CREB5: variants seen among roughly 807,000 people sequenced by gnomAD.
CREB5 encodes the protein cyclic AMP-responsive element-binding protein 5.
In CREB5, 19 loss-of-function variants were observed where a neutral mutation model predicts 57.1. That is an observed-to-expected ratio of 0.33 (90% CI 0.23 to 0.49). The LOEUF (loss-of-function observed/expected upper bound fraction) is 0.49, where lower values mean the gene tolerates loss of function less well. Among genes scored for constraint, CREB5 ranks in the 20% least tolerant of loss-of-function variants. The pLI is 0.99. For synonymous variants in CREB5, 238 were observed against 238.3 expected, an observed-to-expected ratio of 1.00 and a Z score of 0.01; for missense variants, 579 against 671.6, an observed-to-expected ratio of 0.86 and a Z score of 1.52.
intron 5 of CREB5, among the ~76,000 whole-genome samples, chr7:28,597,592 T>C (rs150271990): frequency 2.3e-4 from 35 of 152,282 alleles, no homozygotes; most frequent in Non-Finnish European, 4.7e-4. Context: ...AAGGTCAGTA[T>C]GGATGTTTCT....
chr7:28,740,341 T>C (rs1036756322), intron 7 of CREB5, among the ~76,000 whole-genome samples: 2 of 152,190 alleles, frequency 1.3e-5, no homozygotes, highest in Non-Finnish European at 2.9e-5. Flanking sequence ...GCAGAATCTG[T>C]TCCATGACCA....
At chr7:28,398,213 A>G (rs941585621) in intron 1 of CREB5, among the ~76,000 whole-genome samples, 2 of 152,016 alleles carry the variant, frequency 1.3e-5, no homozygotes, top group Non-Finnish European at 1.5e-5. Flanking sequence ...TTTCTCCTTC[A>G]TTGTGTATTT....
intron 1 of CREB5, among the ~76,000 whole-genome samples, chr7:28,329,089 T>A (rs1335932586): frequency 6.6e-6 from 1 of 152,188 alleles, no homozygotes; most frequent in African/African-American, 2.4e-5. Flanking sequence ...CAGAGGAATA[T>A]CTCACTGGTT....
At chr7:28,739,030 A>T (rs1438572657) in intron 7 of CREB5, among the ~76,000 whole-genome samples, 1 of 152,236 alleles carries the variant, frequency 6.6e-6, no homozygotes, top group Non-Finnish European at 1.5e-5. Flanking sequence ...ATAAATAGAA[A>T]ACTAAGTATG....
intron 1 of CREB5, among the ~76,000 whole-genome samples, chr7:28,315,548 C>T (rs1337912003): frequency 2.0e-5 from 3 of 152,198 alleles, no homozygotes; most frequent in Admixed American, 6.5e-5. Context: ...CTCTGTTCTC[C>T]AACAACAGAT....
At chr7:28,649,109 A>G (rs1799025699) in intron 5 of CREB5, among the ~76,000 whole-genome samples, 4 of 152,228 alleles carry the variant, frequency 2.6e-5, no homozygotes, top group Admixed American at 2.6e-4. Context: ...AACTTCACAT[A>G]TGTGGTCAAA....
intron 1 of CREB5, among the ~76,000 whole-genome samples, chr7:28,315,679 C>A (rs552756710): frequency 6.6e-6 from 1 of 152,210 alleles, no homozygotes; most frequent in Non-Finnish European, 1.5e-5. Flanking sequence ...CGTTGGAAAA[C>A]GTCCTGCTGC....
intron 4 of CREB5, among the ~76,000 whole-genome samples, chr7:28,514,180 A>G (rs532897227): frequency 2.0e-5 from 3 of 152,222 alleles, no homozygotes; most frequent in South Asian, 4.1e-4. Context: ...GAAAAAAAGT[A>G]TTTTATCTTT....
At chr7:28,815,695 C>T (rs914598297) in intron 9 of CREB5, among the ~76,000 whole-genome samples, 3 of 152,212 alleles carry the variant, frequency 2.0e-5, no homozygotes, top group South Asian at 2.1e-4. Flanking sequence ...CCTGGGAGAT[C>T]GAATGCTGCC....
intron 7 of CREB5, among the ~76,000 whole-genome samples, chr7:28,760,200 G>A (rs567283201): frequency 2.0e-5 from 3 of 152,226 alleles, no homozygotes; most frequent in South Asian, 4.1e-4. Flanking sequence ...GTATTTCCAG[G>A]TCTTTATTAG....
At chr7:28,590,502 G>A (rs1796462150) in intron 5 of CREB5, among the ~76,000 whole-genome samples, 1 of 127,932 alleles carries the variant, frequency 7.8e-6, no homozygotes, top group African/African-American at 2.9e-5. Context: ...CACAGGAAGG[G>A]GAACATCACA....
At chr7:28,584,137 C>T (rs1000494427) in intron 5 of CREB5, among the ~76,000 whole-genome samples, 13 of 152,182 alleles carry the variant, frequency 8.5e-5, no homozygotes, top group Non-Finnish European at 1.5e-4. Context: ...ATGATGACTT[C>T]CTGAGGCCTC....
intron 4 of CREB5, among the ~76,000 whole-genome samples, chr7:28,560,911 T>TGTGTGTGCGTGCGTGTGC (rs1554344471): frequency 2.8e-5 from 1 of 36,056 alleles, no homozygotes; most frequent in Non-Finnish European, 5.1e-5. Context: ...CGCGCGTGCG[T>TGTGTGTGCGTGCGTGTGC]GTGCGTGTGT....
chr7:28,425,160 G>T (rs1788449643), intron 1 of CREB5, among the ~76,000 whole-genome samples: 1 of 151,926 alleles, frequency 6.6e-6, no homozygotes. Context: ...TACCTATCAG[G>T]GTTACTTGTA....
intron 1 of CREB5, among the ~76,000 whole-genome samples, chr7:28,323,830 T>A (rs1785532115): frequency 6.6e-6 from 1 of 152,160 alleles, no homozygotes; most frequent in South Asian, 2.1e-4. Context: ...TAATGTAGAA[T>A]CAGTGGGAGC....
intron 1 of CREB5, among the ~76,000 whole-genome samples, chr7:28,348,497 A>G (rs1786121443): frequency 6.6e-6 from 1 of 152,000 alleles, no homozygotes; most frequent in African/African-American, 2.4e-5. Flanking sequence ...AATGCTCAGC[A>G]TACTATCTGG....
At chr7:28,738,896 C>A (rs895841128) in intron 7 of CREB5, among the ~76,000 whole-genome samples, 1 of 152,164 alleles carries the variant, frequency 6.6e-6, no homozygotes, top group African/African-American at 2.4e-5. Context: ...CATCCTTTTC[C>A]TCCCGAAATA....
intron 1 of CREB5, among the ~76,000 whole-genome samples, chr7:28,486,453 A>G (rs983791050): frequency 6.6e-6 from 1 of 151,606 alleles, no homozygotes; most frequent in Admixed American, 6.6e-5. Context: ...TGTGAATCCT[A>G]TTGGAATCAC....
intron 5 of CREB5, among the ~76,000 whole-genome samples, chr7:28,693,005 G>T (rs536724192): frequency 1.3e-5 from 2 of 152,332 alleles, no homozygotes; most frequent in Middle Eastern, 3.4e-3. Context: ...CTGTACCCAA[G>T]AAGAATTAAT....
Sources: allele counts gnomAD v4.1 joint callset (sites outside exome capture counted in the v4.1 genomes callset), GRCh38; gene constraint gnomAD v4.1.1; transcripts MANE v1.5; gene names NCBI Gene and HGNC (gene_info 2026-07-23, HGNC 2026-07-21).